The following INTS7 variants were observed in gnomAD, a reference collection of about 807,000 sequenced individuals.
INTS7 encodes the protein chromosome 1 open reading frame 73.
Under a neutral mutation model 109.2 loss-of-function variants are expected in INTS7, and 46 were observed. The ratio of observed to expected loss-of-function variants is 0.42; its 90% CI spans 0.33 to 0.54. The LOEUF is 0.54. Ranked by LOEUF, INTS7 falls within the 20% of genes least tolerant of loss-of-function variation. The pLI is 0.07. For missense variants in INTS7, 929 were observed against 1,132.4 expected, an observed-to-expected ratio of 0.82 and a Z score of 2.58; for synonymous variants, 412 against 402.9, an observed-to-expected ratio of 1.02 and a Z score of -0.27.
chr1:212,021,079 T>C lies in INTS7; in HGVS notation c.224+4A>G. 6.3e-7 allele frequency: 1 copy of C among 1,597,082 alleles called. No individual in the cohort carries two copies. The highest frequency in any genetic ancestry group is 8.5e-7 in the Non-Finnish European group (1 of 1,174,032). On this transcript the variant is annotated splice_donor_region_variant and intron_variant, in intron 2 of 19. Coordinates refer to ENST00000366994, the MANE Select transcript of INTS7 (RefSeq NM_015434.4). ...TAGGACATCGAGAATTTAAAAAGACTTACCCAACTCTGAAAACATCAGCTA... is the reference window on the plus strand; with the variant it reads ...TAGGACATCGAGAATTTAAAAAGACCTACCCAACTCTGAAAACATCAGCTA...
At position 211,978,721 on chromosome 1, in the gene INTS7, G is replaced by A. The variant is rs564705233; in HGVS notation, c.1231-210C>T. On this transcript the variant is annotated intron_variant, in intron 10 of 19. Coordinates refer to ENST00000366994, the MANE Select transcript of INTS7 (RefSeq NM_015434.4). ...TTAAAATAACAAATTAGGACTGCAC[G>A]TCAACCACTCATTTCAATCTAAGAC... 3.3e-5 allele frequency among the ~76,000 whole-genome samples: 5 copies of A among 152,236 alleles called. No homozygotes were observed. The East Asian group carries it at 5.8e-4, about 18-fold the overall frequency.
chr1:211,990,515 T>C (rs1011054357), intron 7 of INTS7, among the ~76,000 whole-genome samples: 4 of 152,198 alleles, frequency 2.6e-5, no homozygotes, highest in African/African-American at 9.6e-5. Context: ...ATTTCACTCA[T>C]GGTATACTTT....
chr1:211,992,079 A>G (rs1213424709), intron 7 of INTS7, among the ~76,000 whole-genome samples: 1 of 152,162 alleles, frequency 6.6e-6, no homozygotes, highest in African/African-American at 2.4e-5. Context: ...TTAATACTAT[A>G]ATTTATATTT....
intron 1 of INTS7, chr1:212,030,663 G>A (rs1667121486): frequency 6.6e-6 from 1 of 152,196 alleles, no homozygotes; most frequent in African/African-American, 2.4e-5. Flanking sequence ...GAGATTCTCA[G>A]GAGAAAGAAT....
intron 6 of INTS7, 145 bp from the exon 7 acceptor site, chr1:212,006,906 G>T: frequency 1.5e-6 from 1 of 666,880 alleles, no homozygotes; most frequent in Non-Finnish European, 2.5e-6. Context: ...GCCCACATTT[G>T]GGCCTCTTTC....
intron 18 of INTS7, among the ~76,000 whole-genome samples, chr1:211,945,332 C>T (rs560596102): frequency 3.9e-5 from 6 of 152,152 alleles, no homozygotes; most frequent in East Asian, 1.9e-4. Flanking sequence ...TTTGGTCTTA[C>T]GTAATTTTAA....
At chr1:212,001,180 C>T (rs903113357) in intron 7 of INTS7, among the ~76,000 whole-genome samples, 4 of 151,616 alleles carry the variant, frequency 2.6e-5, no homozygotes, top group African/African-American at 4.9e-5. Context: ...GATTCTCCTG[C>T]CTCAGCCTCC....
intron 7 of INTS7, among the ~76,000 whole-genome samples, chr1:211,993,541 G>T (rs530561972): frequency 2.6e-5 from 4 of 151,922 alleles, no homozygotes; most frequent in African/African-American, 9.7e-5. Flanking sequence ...TTAGCTAGGC[G>T]TGGTGGCAGG....
intron 16 of INTS7, among the ~76,000 whole-genome samples, chr1:211,963,973 G>A (rs1663759836): frequency 6.6e-6 from 1 of 152,102 alleles, no homozygotes; most frequent in African/African-American, 2.4e-5. Flanking sequence ...ATTCAACATA[G>A]TATTGGAAGT....
chr1:211,982,036 A>C (rs1664692024), intron 9 of INTS7, among the ~76,000 whole-genome samples: 1 of 152,170 alleles, frequency 6.6e-6, no homozygotes. Context: ...AGGGGGGATA[A>C]GAGGAACCAC....
intron 8 of INTS7, among the ~76,000 whole-genome samples, chr1:211,984,170 A>G (rs922787836): frequency 2.0e-5 from 3 of 152,146 alleles, no homozygotes; most frequent in African/African-American, 7.2e-5. Context: ...TTTTTAAGTT[A>G]GGCAAAACAT....
At chr1:211,953,845 G>C (rs2102390760) in intron 16 of INTS7, among the ~76,000 whole-genome samples, 1 of 151,894 alleles carries the variant, frequency 6.6e-6, no homozygotes, top group South Asian at 2.1e-4. Flanking sequence ...ATTGTGAATA[G>C]TGCCGCAATA....
At chr1:211,973,787 C>T (rs1664280947) in intron 13 of INTS7, among the ~76,000 whole-genome samples, 1 of 152,146 alleles carries the variant, frequency 6.6e-6, no homozygotes. Flanking sequence ...TCCTGTTTTT[C>T]TTAATCCTAA....
chr1:211,968,816 A>G (rs1276539988), intron 13 of INTS7, 109 bp from the exon 14 acceptor site: 3 of 690,420 alleles, frequency 4.3e-6, no homozygotes, highest in Non-Finnish European at 7.0e-6. Flanking sequence ...GTTCTCTAAA[A>G]ACACTGACGG....
chr1:212,035,226 C>A (rs1192198869), intron 1 of INTS7, 118 bp downstream of exon 1: 2 of 726,068 alleles, frequency 2.8e-6, no homozygotes, highest in South Asian at 1.6e-5. Flanking sequence ...CACAGGCGCT[C>A]CCCGCCCAGC....
Position 211,967,786 on chromosome 1 carries a change from A to G in INTS7, c.2114+92T>C. On this transcript the variant is annotated intron_variant, in intron 15 of 19. Coordinates refer to ENST00000366994, the MANE Select transcript of INTS7 (RefSeq NM_015434.4). ...TAATAAATTTATAGGGTTATTTAAC[A>G]TGTATTTTGTAGGTAAGCATATCTG... is the stretch of plus-strand genomic sequence containing the variant. 4.4e-6 allele frequency: 3 copies of G among 688,142 alleles called. No individual in the cohort carries two copies. The Middle Eastern group carries it at 7.1e-4, about 162-fold the overall frequency. 42.6% of individuals were successfully genotyped at this position (688,142 alleles called of 1,614,324 possible).
Position 211,941,347 on chromosome 1 carries a change from G to A in INTS7, c.*477C>T, listed in dbSNP as rs1250685349. The A allele has an allele frequency of 6.6e-6, 1 of 152,664 alleles. No homozygotes were observed. Among genetic ancestry groups the A allele is most frequent in the African/African-American group, 2.4e-5 (1 of 41,456 alleles). 9.5% of individuals were successfully genotyped at this position (152,664 alleles called of 1,614,324 possible). ...AACAATCTTTCTGGCCAGGATCCCA[G>A]TTATTTTTCAGACAAAATGTATTTA... On this transcript the variant is annotated 3_prime_UTR_variant, in exon 20 of 20. Transcript: ENST00000366994.
At chr1:212,031,828 A>G (rs1667179269) in intron 1 of INTS7, among the ~76,000 whole-genome samples, 1 of 152,266 alleles carries the variant, frequency 6.6e-6, no homozygotes, top group South Asian at 2.1e-4. Context: ...AGAAACAATC[A>G]GCTTACTGCC....
intron 10 of INTS7, among the ~76,000 whole-genome samples, chr1:211,979,906 T>G (rs1664579799): frequency 6.6e-6 from 1 of 152,230 alleles, no homozygotes; most frequent in Non-Finnish European, 1.5e-5. Flanking sequence ...GCACTTTTTT[T>G]GTGAAATATC....
Sources: allele counts gnomAD v4.1 joint callset (sites outside exome capture counted in the v4.1 genomes callset), GRCh38; gene constraint gnomAD v4.1.1; transcripts MANE v1.5; gene names NCBI Gene and HGNC (gene_info 2026-07-23, HGNC 2026-07-21).